NDUFAF2: variants seen among roughly 807,000 people sequenced by gnomAD.
NDUFAF2 encodes NADH dehydrogenase [ubiquinone] 1 alpha subcomplex assembly factor 2.
Under a neutral mutation model 22.8 loss-of-function variants are expected in NDUFAF2, and 13 were observed. That is an observed-to-expected ratio of 0.57 (90% CI 0.37 to 0.91). NDUFAF2 has a LOEUF of 0.91. Among genes scored for constraint, NDUFAF2 ranks in the 40% least tolerant of loss-of-function variants. NDUFAF2 has a pLI of 0.01. For missense variants in NDUFAF2, 162 were observed against 195.2 expected (o/e 0.83, Z 1.01); for synonymous variants, 53 against 64.2 (o/e 0.83, Z 0.84).
At chr5:61,020,131 A>T (rs948509458) in intron 1 of NDUFAF2, among the ~76,000 whole-genome samples, 2 of 152,128 alleles carry the variant, frequency 1.3e-5, no homozygotes, top group East Asian at 1.9e-4. Flanking sequence ...TGCTTTTTAC[A>T]TATATTTGTA....
At chr5:60,998,601 A>G (rs1751257057) in intron 1 of NDUFAF2, among the ~76,000 whole-genome samples, 1 of 152,082 alleles carries the variant, frequency 6.6e-6, no homozygotes. Flanking sequence ...ATAAAATGTG[A>G]TGGGGTTCGA....
intron 1 of NDUFAF2, among the ~76,000 whole-genome samples, chr5:61,005,072 T>C (rs902844116): frequency 2.0e-5 from 3 of 152,150 alleles, no homozygotes; most frequent in Non-Finnish European, 4.4e-5. Context: ...ATTCTCCTAA[T>C]GCTATCCCTC....
intron 1 of NDUFAF2, among the ~76,000 whole-genome samples, chr5:60,950,853 A>G (rs79751335): frequency 0.024 from 3,655 of 152,138 alleles, 62 homozygotes; most frequent in Non-Finnish European, 0.037. Context: ...CCTTCCTGCT[A>G]CCAAACCCCT....
chr5:61,113,210 A>T (rs568004798), intron 3 of NDUFAF2, among the ~76,000 whole-genome samples: 1 of 152,128 alleles, frequency 6.6e-6, no homozygotes, highest in Non-Finnish European at 1.5e-5. Context: ...GAGTTTTACA[A>T]TATTCTATAT....
intron 1 of NDUFAF2, among the ~76,000 whole-genome samples, chr5:61,069,571 G>A (rs190807370): frequency 2.7e-4 from 41 of 152,224 alleles, no homozygotes; most frequent in Admixed American, 2.3e-3. Flanking sequence ...AAAATATTAG[G>A]TTATAGTACT....
chr5:61,059,559 C>T (rs1350890928), intron 1 of NDUFAF2, among the ~76,000 whole-genome samples: 2 of 151,966 alleles, frequency 1.3e-5, no homozygotes. Context: ...AGTTTAAGAC[C>T]TTTTATCTTT....
chr5:61,141,633 G>A (rs950805069), intron 3 of NDUFAF2, among the ~76,000 whole-genome samples: 4 of 151,794 alleles, frequency 2.6e-5, no homozygotes, highest in Non-Finnish European at 4.4e-5. Context: ...GTATCCCTAG[G>A]CCCTTAAATT....
rs1427360387 is a variant in NDUFAF2, at chr5:61,135,140, GA to G, written c.259-17552del. On this transcript the variant is annotated intron_variant, in intron 3 of 3. Transcript: ENST00000296597. The stretch of plus-strand genomic sequence containing the variant: ...TATGAACTAATGACATATTTTTTCT[GA>G]AAAAAAAAAAAGCATATTTCCTACT... Among the ~76,000 whole-genome samples the G allele has an allele frequency of 2.3e-3, 322 of 137,514 alleles. 1 individual carries two copies. The highest frequency in any genetic ancestry group is 3.6e-3 in the African/African-American group (135 of 37,662). 90.2% of individuals were successfully genotyped at this position (137,514 alleles called of 152,430 possible).
At chr5:60,950,564 G>A (rs544258647) in intron 1 of NDUFAF2, among the ~76,000 whole-genome samples, 1 of 150,248 alleles carries the variant, frequency 6.7e-6, no homozygotes, top group Non-Finnish European at 1.5e-5. Flanking sequence ...TTCCCTGTCT[G>A]TACCTCGTTT....
Position 60,968,303 on chromosome 5 carries a change from A to G in NDUFAF2, c.127+22921A>G, listed in dbSNP as rs555353680. ...AACCAATTTCTTAGTTTCACTGATC[A>G]TATCTATTGGGTTTCTAGTCTCCAT... On this transcript the variant is annotated intron_variant, in intron 1 of 3. Coordinates refer to ENST00000296597, the MANE Select transcript of NDUFAF2 (RefSeq NM_174889.5). 4.6e-5 allele frequency among the ~76,000 whole-genome samples: 7 copies of G among 151,804 alleles called. No individual in the cohort carries two copies. The South Asian group carries it at 6.2e-4, about 14-fold the overall frequency.
intron 3 of NDUFAF2, among the ~76,000 whole-genome samples, chr5:61,135,844 G>T (rs577363649): frequency 6.6e-6 from 1 of 151,448 alleles, no homozygotes; most frequent in South Asian, 2.1e-4. Context: ...GGTGGATTGT[G>T]TATTTTTAGC....
intron 1 of NDUFAF2, among the ~76,000 whole-genome samples, chr5:60,958,210 T>A (rs939076890): frequency 1.3e-5 from 2 of 152,198 alleles, no homozygotes; most frequent in African/African-American, 4.8e-5. Context: ...AACATCTGTT[T>A]TATGTATTTC....
chr5:61,114,709 A>G (rs1752888983), intron 3 of NDUFAF2: 1 of 151,868 alleles, frequency 6.6e-6, no homozygotes. Context: ...AAGCACTTGA[A>G]TGTTGTAATC....
At chr5:61,132,981 G>A in intron 3 of NDUFAF2, among the ~76,000 whole-genome samples, 1 of 151,530 alleles carries the variant, frequency 6.6e-6, no homozygotes, top group African/African-American at 2.4e-5. Context: ...CTTCATAATG[G>A]TGGCGGGGGT....
intron 1 of NDUFAF2, among the ~76,000 whole-genome samples, chr5:61,032,780 A>T (rs1751744890): frequency 6.6e-6 from 1 of 152,112 alleles, no homozygotes; most frequent in Non-Finnish European, 1.5e-5. Context: ...TGGTAGCTTG[A>T]TGGGGATAGC....
intron 3 of NDUFAF2, among the ~76,000 whole-genome samples, chr5:61,123,780 A>G (rs1031024532): frequency 1.1e-4 from 17 of 152,220 alleles, no homozygotes; most frequent in Non-Finnish European, 1.9e-4. Context: ...GAATCTAATT[A>G]GTCATTTGGC....
chr5:61,147,823 C>T (rs894850071), intron 3 of NDUFAF2, among the ~76,000 whole-genome samples: 3 of 152,014 alleles, frequency 2.0e-5, no homozygotes, highest in African/African-American at 7.2e-5. Context: ...TACTCTCGTG[C>T]CAGTTTAGTC....
intron 2 of NDUFAF2, among the ~76,000 whole-genome samples, chr5:61,084,862 A>G (rs1290528733): frequency 6.6e-6 from 1 of 152,180 alleles, no homozygotes; most frequent in African/African-American, 2.4e-5. Flanking sequence ...ATGCCACACA[A>G]AAAGCAGAAG....
chr5:60,957,856 G>C (rs996718343), intron 1 of NDUFAF2, among the ~76,000 whole-genome samples: 2 of 152,120 alleles, frequency 1.3e-5, no homozygotes, highest in African/African-American at 4.8e-5. Flanking sequence ...GTTTGGGTTT[G>C]TTCTTTTGGT....
Sources: gnomAD v4.1 joint callset for allele counts (sites outside exome capture counted in the v4.1 genomes callset) on GRCh38, gnomAD v4.1.1 for gene constraint, MANE v1.5 for transcripts, NCBI Gene and HGNC (gene_info 2026-07-23, HGNC 2026-07-21) for gene names.